Variants in TUB observed in about 807,000 individuals in gnomAD.
TUB encodes the protein tubby protein homolog.
In TUB, 33 loss-of-function variants were observed where a neutral mutation model predicts 59.7. That is an observed-to-expected ratio of 0.55 (90% CI 0.42 to 0.74). The LOEUF is 0.74. Among genes scored for constraint, TUB ranks in the 30% least tolerant of loss-of-function variants. The pLI, the probability that TUB is intolerant of heterozygous loss-of-function variation, is 0.00. For missense variants in TUB, 659 were observed against 672.0 expected (o/e 0.98, Z 0.21); for synonymous variants, 293 against 256.4 (o/e 1.14, Z -1.36).
chr11:8,019,262 C>G, exon 1 of TUB: 1 of 1,245,512 alleles, frequency 8.0e-7, no homozygotes, highest in Non-Finnish European at 1.0e-6. Context: ...AGCCCAGCGC[C>G]GCCGCCGCCC....
At chr11:8,067,501 G>C (rs1369358522) in intron 2 of TUB, 2 of 152,198 alleles carry the variant, frequency 1.3e-5, no homozygotes, top group African/African-American at 4.8e-5. Flanking sequence ...ATAAATGTTA[G>C]CTACTGTTAT....
At chr11:8,091,427 C>T (rs920457949) in intron 3 of TUB, among the ~76,000 whole-genome samples, 1 of 152,188 alleles carries the variant, frequency 6.6e-6, no homozygotes, top group Middle Eastern at 3.2e-3. Context: ...GAGGCTTTAC[C>T]TGCATTATCT....
intron 2 of TUB, among the ~76,000 whole-genome samples, chr11:8,042,238 T>C (rs76141861): frequency 6.6e-6 from 1 of 152,338 alleles, no homozygotes; most frequent in African/African-American, 2.4e-5. Context: ...TATGTGGTCT[T>C]TTGTAACTGG....
intron 2 of TUB, among the ~76,000 whole-genome samples, chr11:8,052,743 G>A (rs1225017994): frequency 6.6e-6 from 1 of 152,130 alleles, no homozygotes; most frequent in South Asian, 2.1e-4. Flanking sequence ...ACAAAGTGCT[G>A]GGATTACAGG....
chr11:8,100,453 A>G, intron 9 of TUB, 50 bp from the exon 10 acceptor site: 3 of 1,454,170 alleles, frequency 2.1e-6, no homozygotes, highest in East Asian at 2.3e-5. Context: ...CACCTTCTCC[A>G]GTAGGTAAAT....
At position 8,104,347 on chromosome 11, in the gene TUB, G is replaced by C. The variant is rs1326459518; in HGVS notation, c.*2728G>C. On this transcript the variant is annotated 3_prime_UTR_variant, in exon 12 of 12. Coordinates refer to ENST00000299506, the MANE Select transcript of TUB (RefSeq NM_177972.3). ...TGCCCCAGAACAATTCTGCAGAGTGGTGAAGTTCACTTCCCCAACTCTTCT... is the reference window on the plus strand; with the variant it reads ...TGCCCCAGAACAATTCTGCAGAGTGCTGAAGTTCACTTCCCCAACTCTTCT... 1 of 152,292 alleles carries C rather than the reference G, an allele frequency of 6.6e-6. No homozygotes were observed. The highest frequency in any genetic ancestry group is 1.5e-5 in the Non-Finnish European group (1 of 68,110). The allele number at this position is 152,292 out of a possible 1,614,324, so 9.4% of individuals were successfully genotyped here.
At position 8,038,769 on chromosome 11, in the gene TUB, G is replaced by A. The variant is rs1196979099; in HGVS notation, c.-105G>A. 3.3e-6 allele frequency: 5 copies of A among 1,514,546 alleles called. No individual in the cohort carries two copies. In the African/African-American group the frequency reaches 7.0e-5, roughly 21 times the overall value. 93.8% of individuals were successfully genotyped at this position (1,514,546 alleles called of 1,614,324 possible). A position where few individuals can be genotyped will look rare whatever the true frequency, so the allele number is the denominator to read the frequency against. ...TGATGAAGGGAGACATCCAAGTGCT[G>A]GTTTCAGTACTGAGGCGAATACAGG... On this transcript the variant is annotated 5_prime_UTR_variant, in exon 1 of 13. Transcript: ENST00000305253.
intron 10 of TUB, 62 bp downstream of exon 10, chr11:8,100,663 A>G (rs1944241661): frequency 6.4e-7 from 1 of 1,562,448 alleles, no homozygotes; most frequent in Non-Finnish European, 8.8e-7. Context: ...TGAGCTTCTA[A>G]GGGCAGAACT....
intron 1 of TUB, among the ~76,000 whole-genome samples, chr11:8,087,040 C>T (rs1431720716): frequency 6.6e-6 from 1 of 152,216 alleles, no homozygotes; most frequent in Non-Finnish European, 1.5e-5. Flanking sequence ...GGAAAGCAGC[C>T]TCCTGCCTCT....
At chr11:8,025,835 G>A (rs2133701220) in intron 1 of TUB, among the ~76,000 whole-genome samples, 1 of 152,358 alleles carries the variant, frequency 6.6e-6, no homozygotes, top group East Asian at 1.9e-4. Context: ...TAGCAAAGCA[G>A]TGGAATGGCT....
At position 8,064,003 on chromosome 11, in the gene TUB, C is replaced by T. The variant is rs145983821; in HGVS notation, c.203+24311C>T. On this transcript the variant is annotated intron_variant, in intron 2 of 12. Coordinates refer to the TUB transcript ENST00000305253. ...ATTCTCTGAAGGACTTTGAGAACCT[C>T]ATAGGCGTCATTTGTCCCACAGGGA... 5.2e-3 allele frequency among the ~76,000 whole-genome samples: 795 copies of T among 152,270 alleles called. 8 individuals are homozygous for T. The highest frequency in any genetic ancestry group is 6.5e-3 in the Non-Finnish European group (443 of 68,018).
intron 1 of TUB, among the ~76,000 whole-genome samples, chr11:8,031,224 G>A (rs996548477): frequency 2.0e-5 from 3 of 152,140 alleles, no homozygotes; most frequent in South Asian, 2.1e-4. Flanking sequence ...GGGTGGGACT[G>A]GGGGGATCCT....
intron 1 of TUB, among the ~76,000 whole-genome samples, chr11:8,086,125 C>T (rs992639742): frequency 5.3e-5 from 8 of 152,222 alleles, no homozygotes; most frequent in African/African-American, 1.9e-4. Flanking sequence ...AGCTGAAAGA[C>T]CTATCCATCA....
At chr11:8,019,430 C>G in intron 1 of TUB, 1 of 1,222,472 alleles carries the variant, frequency 8.2e-7, no homozygotes, top group Non-Finnish European at 1.0e-6. Flanking sequence ...AAGCGGGCCT[C>G]CGGGGGCTAG....
At chr11:8,034,775 A>G (rs1041149244), upstream of TUB, among the ~76,000 whole-genome samples, 1 of 151,374 alleles carries the variant, frequency 6.6e-6, no homozygotes, top group Non-Finnish European at 1.5e-5. Flanking sequence ...TTCTTCTCCC[A>G]TCTCCTCCCC....
chr11:8,032,873 C>T (rs1484017342), intron 1 of TUB, among the ~76,000 whole-genome samples: 1 of 152,180 alleles, frequency 6.6e-6, no homozygotes, highest in African/African-American at 2.4e-5. Context: ...TGTCAGTGAG[C>T]CCCTCCCTAG....
At chr11:8,090,654 C>G (rs1008751332) in intron 3 of TUB, among the ~76,000 whole-genome samples, 2 of 152,198 alleles carry the variant, frequency 1.3e-5, no homozygotes, top group African/African-American at 2.4e-5. Context: ...TTCCTTCCCT[C>G]TCTGCACCGT....
rs17847543 is a variant in TUB at position 8,097,207 on chromosome 11, A to G, written c.688-21A>G. On this transcript the variant is annotated intron_variant, in intron 6 of 11. Transcript: ENST00000299506. ...TGCTTAGGGTCCTTGGGGCTCAGGC[A>G]CCTATTCTGCATCCCCATAGGAGGC... 448 of 1,613,276 alleles carry G rather than the reference A, an allele frequency of 2.8e-4. 1 individual carries two copies. The East Asian group carries it at 9.7e-3, about 35-fold the overall frequency.
At chr11:8,024,813 G>C (rs997630685) in intron 1 of TUB, among the ~76,000 whole-genome samples, 2 of 152,210 alleles carry the variant, frequency 1.3e-5, no homozygotes, top group African/African-American at 4.8e-5. Flanking sequence ...TGACTGCATT[G>C]TTTTGCAATT....
Sources: allele counts gnomAD v4.1 joint callset (sites outside exome capture counted in the v4.1 genomes callset), GRCh38; gene constraint gnomAD v4.1.1; transcripts MANE v1.5; gene names NCBI Gene and HGNC (gene_info 2026-07-23, HGNC 2026-07-21).